The following SETD2 variants were observed in gnomAD, a reference collection of about 807,000 sequenced individuals.
SETD2 encodes the protein histone-lysine N-methyltransferase SETD2.
SETD2 carries 31 observed loss-of-function variants against 242.1 expected under a neutral mutation model. The observed-to-expected ratio is 0.13, with a 90% confidence interval of 0.10 to 0.17. The LOEUF (loss-of-function observed/expected upper bound fraction) is 0.17, where lower values mean the gene tolerates loss of function less well. SETD2 is among the 10% of genes least tolerant of loss of function. SETD2 has a pLI of 1.00. For missense variants in SETD2, 2,481 were observed against 3,046.3 expected, an observed-to-expected ratio of 0.81 and a Z score of 4.37; for synonymous variants, 1,006 against 1,066.5, an observed-to-expected ratio of 0.94 and a Z score of 1.11.
In SETD2 at chr3:47,120,712, T is replaced by C. The variant is rs778250055; in HGVS notation, c.3924A>G (p.Pro1308=). The change falls in exon 3 of 21, where the codon CCA becomes CCG. Residue 1308 remains proline, a synonymous_variant. Coordinates refer to ENST00000409792, the MANE Select transcript of SETD2 (RefSeq NM_014159.7). ...CAGTTCCAGGAGGTCTACCTGATCTTGGATCCCAGTAACCATTGCCTTGCC... is the reference window on the plus strand; with the variant it reads ...CAGTTCCAGGAGGTCTACCTGATCTCGGATCCCAGTAACCATTGCCTTGCC... The part of the protein sequence containing the change: ...DYWQGNGYWD[P]RSGRPPGTGV... 1 of 1,614,200 alleles carries C rather than the reference T, an allele frequency of 6.2e-7. No individual in the cohort carries two copies. Among genetic ancestry groups the C allele is most frequent in the Non-Finnish European group, 8.5e-7 (1 of 1,180,034 alleles).
intron 17 of SETD2, among the ~76,000 whole-genome samples, chr3:47,039,485 C>A (rs1575672034): frequency 6.6e-6 from 1 of 151,910 alleles, no homozygotes. Context: ...AGTGCTGGGA[C>A]TACAGGCGTA....
At chr3:47,076,099 T>A (rs1298156971) in intron 12 of SETD2, among the ~76,000 whole-genome samples, 2 of 152,180 alleles carry the variant, frequency 1.3e-5, no homozygotes, top group Non-Finnish European at 2.9e-5. Context: ...TTGGAAAAGA[T>A]GTTGTGAGAG....
At chr3:47,038,692 T>A (rs2039137424) in intron 17 of SETD2, among the ~76,000 whole-genome samples, 1 of 152,188 alleles carries the variant, frequency 6.6e-6, no homozygotes, top group Admixed American at 6.5e-5. Flanking sequence ...AAAAGAAGGT[T>A]TCGGCCATGT....
chr3:47,071,918 A>G (rs1305387804), intron 12 of SETD2, among the ~76,000 whole-genome samples: 1 of 152,192 alleles, frequency 6.6e-6, no homozygotes, highest in African/African-American at 2.4e-5. Context: ...AACAGGATTA[A>G]AACAAAATTA....
At chr3:47,105,135 C>G (rs1042833800) in intron 6 of SETD2, among the ~76,000 whole-genome samples, 5 of 152,108 alleles carry the variant, frequency 3.3e-5, no homozygotes, top group African/African-American at 1.2e-4. Flanking sequence ...TGGGGCCAGG[C>G]ACGGTGGCTC....
chr3:47,038,487 C>T (rs1180553991), intron 17 of SETD2, among the ~76,000 whole-genome samples: 3 of 151,950 alleles, frequency 2.0e-5, no homozygotes, highest in African/African-American at 4.8e-5. Context: ...TGGTGGCGGG[C>T]GCCTGTAATC....
At chr3:47,133,947 ACAAAT>A (rs1339034171) in intron 1 of SETD2, among the ~76,000 whole-genome samples, 1 of 152,224 alleles carries the variant, frequency 6.6e-6, no homozygotes, top group Non-Finnish European at 1.5e-5. Flanking sequence ...GCCACCAATT[ACAAAT>A]CAAAGAGTAT....
rs4082155 is a variant in SETD2 at position 47,083,895 on chromosome 3, G to T, written c.5885C>A (p.Pro1962His). 2.2e-5 allele frequency: 36 copies of T among 1,613,700 alleles called. No individual in the cohort carries two copies. The highest frequency in any genetic ancestry group is 2.7e-5 in the African/African-American group (2 of 74,780). ...SEPEADAEIE[P>H]KESNGTKLEE... ...TAGTTTTGTGCCGTTGCTCTCTTTG[G>T]GCTCTATTTCAGCGTCAGCTTCTGG... Residue 1962 changes from proline to histidine, a missense_variant, in exon 12 of 21, where the codon CCC becomes CAC. Physicochemically the swap from Pro to His is moderately conservative, Grantham distance 77. Coordinates refer to ENST00000409792, the MANE Select transcript of SETD2 (RefSeq NM_014159.7).
intron 13 of SETD2, among the ~76,000 whole-genome samples, chr3:47,066,722 C>A (rs1313778579): frequency 6.6e-6 from 1 of 150,962 alleles, no homozygotes; most frequent in Non-Finnish European, 1.5e-5. Flanking sequence ...TCTGCTCTAT[C>A]TGGTGCGAAG....
At chr3:47,152,937 A>G (rs1201600482) in intron 1 of SETD2, among the ~76,000 whole-genome samples, 1 of 152,242 alleles carries the variant, frequency 6.6e-6, no homozygotes, top group African/African-American at 2.4e-5. Context: ...AAAAGCAACT[A>G]TGGGAATTCA....
At chr3:47,037,606 C>T (rs1454638378) in intron 18 of SETD2, 60 bp downstream of exon 18, 13 of 1,249,802 alleles carry the variant, frequency 1.0e-5, no homozygotes, top group South Asian at 4.8e-5. Flanking sequence ...CAAGACCATG[C>T]GGGATGGTCT....
intron 15 of SETD2, among the ~76,000 whole-genome samples, chr3:47,051,223 G>C (rs919936178): frequency 5.9e-5 from 9 of 152,024 alleles, no homozygotes; most frequent in Middle Eastern, 3.4e-3. Flanking sequence ...TCCTGCCTCA[G>C]CCTCCCGAGT....
At chr3:47,082,723 G>C (rs146830642) in intron 12 of SETD2, among the ~76,000 whole-genome samples, 195 of 152,258 alleles carry the variant, frequency 1.3e-3, no homozygotes, top group African/African-American at 4.5e-3. Flanking sequence ...TTAAAGAAGG[G>C]TCTCAACACA....
At chr3:47,146,110 C>T (rs1483089153) in intron 1 of SETD2, among the ~76,000 whole-genome samples, 1 of 147,972 alleles carries the variant, frequency 6.8e-6, no homozygotes, top group Non-Finnish European at 1.5e-5. Flanking sequence ...ATCCCACTTG[C>T]TCTTATCTCC....
intron 5 of SETD2, among the ~76,000 whole-genome samples, chr3:47,109,059 C>T (rs1442760697): frequency 2.0e-5 from 3 of 152,002 alleles, no homozygotes; most frequent in East Asian, 3.9e-4. Context: ...CATTGAACTC[C>T]TTCTCCTTAA....
intron 14 of SETD2, among the ~76,000 whole-genome samples, chr3:47,061,278 C>A (rs1436284382): frequency 6.6e-6 from 1 of 151,830 alleles, no homozygotes; most frequent in African/African-American, 2.4e-5. Context: ...CTATAGTAAC[C>A]AAAACAACAT....
At position 47,124,109 on chromosome 3, in the gene SETD2, A is replaced by G. The variant is rs1418308102; in HGVS notation, c.527T>C (p.Val176Ala). ...PPTHAAPLPA[V>A]IAESTTVDSP... ...GTCTACAGTTGTTGATTCTGCTATC[A>G]CTGCTGGTAATGGTGCTGCATGAGT... The change falls in exon 3 of 21, where the codon GTG becomes GCG. Residue 176 changes from valine (V) to alanine (A), a missense_variant. Val to Ala is a moderately conservative substitution (Grantham distance 64, BLOSUM62 0). This residue lies in a region of SETD2 where 334 missense variants were observed against 374.5 expected (regional missense o/e 0.89). Transcript: ENST00000409792. The G allele has an allele frequency of 1.3e-6, 2 of 1,551,802 alleles. No homozygotes were observed. The highest frequency in any genetic ancestry group is 2.7e-5 in the African/African-American group (2 of 73,034).
chr3:47,065,577 C>T (rs896051041), intron 13 of SETD2, among the ~76,000 whole-genome samples: 6 of 152,034 alleles, frequency 3.9e-5, no homozygotes, highest in African/African-American at 7.2e-5. Flanking sequence ...AACAGGAGCA[C>T]TTAAGGACAA....
At chr3:47,073,429 G>A (rs2040914765) in intron 12 of SETD2, among the ~76,000 whole-genome samples, 1 of 152,210 alleles carries the variant, frequency 6.6e-6, no homozygotes, top group African/African-American at 2.4e-5. Context: ...TAGCAAGTCT[G>A]CACCTGAGTA....
Sources: gnomAD v4.1 joint callset for allele counts (sites outside exome capture counted in the v4.1 genomes callset) on GRCh38, gnomAD v4.1.1 for gene constraint, gnomAD v4.1.1 regional missense constraint, MANE v1.5 for transcripts, NCBI Gene and HGNC (gene_info 2026-07-23, HGNC 2026-07-21) for gene names.